SLC12A1: variants seen among roughly 807,000 people sequenced by gnomAD.
SLC12A1 encodes Na-K-2Cl cotransporter.
SLC12A1 carries 89 observed loss-of-function variants against 130.4 expected under a neutral mutation model. That is an observed-to-expected ratio of 0.68 (90% CI 0.58 to 0.81). The LOEUF is 0.81. Ranked by LOEUF, SLC12A1 falls within the 40% of genes least tolerant of loss-of-function variation. The pLI is 0.00. For synonymous variants in SLC12A1, 499 were observed against 460.0 expected, an observed-to-expected ratio of 1.08 and a Z score of -1.09; for missense variants, 1,310 against 1,336.4, an observed-to-expected ratio of 0.98 and a Z score of 0.31.
chr15:48,217,231 T>C (rs1310837132), intron 2 of SLC12A1, among the ~76,000 whole-genome samples: 1 of 152,210 alleles, frequency 6.6e-6, no homozygotes, highest in Non-Finnish European at 1.5e-5. Flanking sequence ...ATTAGAAATA[T>C]GATATTCTCC....
chr15:48,247,819 T>A (rs925223949), intron 13 of SLC12A1, among the ~76,000 whole-genome samples: 1 of 152,188 alleles, frequency 6.6e-6, no homozygotes, highest in Non-Finnish European at 1.5e-5. Flanking sequence ...TTTCTGGAAA[T>A]GTGGTCCACT....
At chr15:48,220,499 C>T in intron 2 of SLC12A1, 135 bp from the exon 3 acceptor site, 2 of 868,598 alleles carry the variant, frequency 2.3e-6, no homozygotes, top group Non-Finnish European at 3.3e-6. Flanking sequence ...CATTAAAATT[C>T]TCAGAATATA....
chr15:48,214,383 C>A (rs1451974460), intron 2 of SLC12A1, among the ~76,000 whole-genome samples: 1 of 152,164 alleles, frequency 6.6e-6, no homozygotes, highest in African/African-American at 2.4e-5. Flanking sequence ...AAGAACCTTT[C>A]CATTTTCTTT....
intron 21 of SLC12A1, 123 bp downstream of exon 21, chr15:48,285,372 G>T (rs2042046770): frequency 2.3e-6 from 2 of 866,950 alleles, no homozygotes; most frequent in East Asian, 5.0e-5. Flanking sequence ...GAACTGAAAG[G>T]TTTCTCTCCA....
chr15:48,294,562 T>C (rs1426353064), intron 24 of SLC12A1, among the ~76,000 whole-genome samples: 1 of 152,240 alleles, frequency 6.6e-6, no homozygotes, highest in East Asian at 1.9e-4. Flanking sequence ...CATTCTGATA[T>C]GAACTGGGTT....
chr15:48,230,358 T>A lies in SLC12A1; in HGVS notation c.865-35T>A, dbSNP rs191351434. ...GCAATAAGACTCACATGCAAAAAGC[T>A]GTATCTCTAAGCACTTAATAATTTG... On this transcript the variant is annotated intron_variant, in intron 6 of 26. Coordinates refer to ENST00000380993, the MANE Select transcript of SLC12A1 (RefSeq NM_000338.3). 1.5e-5 allele frequency: 20 copies of A among 1,326,792 alleles called. No homozygotes were observed. The African/African-American group carries it at 2.3e-4, about 15-fold the overall frequency. The allele number at this position is 1,326,792 out of a possible 1,614,324, so 82.2% of individuals were successfully genotyped here.
intron 17 of SLC12A1, among the ~76,000 whole-genome samples, chr15:48,261,020 A>G (rs1194964419): frequency 1.3e-5 from 2 of 152,164 alleles, no homozygotes; most frequent in Admixed American, 6.5e-5. Flanking sequence ...AGTAATGACC[A>G]ACTGTGACTC....
intron 20 of SLC12A1, among the ~76,000 whole-genome samples, chr15:48,278,269 C>T (rs1273739397): frequency 3.9e-5 from 6 of 152,222 alleles, no homozygotes; most frequent in African/African-American, 4.8e-5. Context: ...TATTTGAGCA[C>T]TTATTATGTG....
chr15:48,240,974 T>G (rs926098407), intron 9 of SLC12A1, among the ~76,000 whole-genome samples: 1 of 152,194 alleles, frequency 6.6e-6, no homozygotes, highest in Non-Finnish European at 1.5e-5. Flanking sequence ...GGAAATTAAA[T>G]ATCTCCCATT....
At position 48,302,989 on chromosome 15, in the gene SLC12A1, T is replaced by C. The variant is rs547516587; in HGVS notation, c.*104T>C. ...TCTGATCTATGGATATGCAAACCTC[T>C]GGAGAGGATCCTACCAGATTCTACA... On this transcript the variant is annotated 3_prime_UTR_variant, in exon 27 of 27. Coordinates refer to ENST00000380993, the MANE Select transcript of SLC12A1 (RefSeq NM_000338.3). The C allele has an allele frequency of 3.5e-5, 31 of 888,410 alleles. No individual in the cohort carries two copies. In the African/African-American group the frequency reaches 4.9e-4, roughly 14 times the overall value. 55.0% of individuals were successfully genotyped at this position (888,410 alleles called of 1,614,324 possible). A position where few individuals can be genotyped will look rare whatever the true frequency, so the allele number is the denominator to read the frequency against.
rs868316025 is a variant in SLC12A1 at position 48,258,133 on chromosome 15, G to A, written c.2043-1067G>A. Among the ~76,000 whole-genome samples, 11 of 70,606 alleles carry A rather than the reference G, an allele frequency of 1.6e-4. 1 individual carries two copies. The East Asian group carries it at 3.1e-3, about 20-fold the overall frequency. 46.3% of individuals were successfully genotyped at this position (70,606 alleles called of 152,430 possible). A position where few individuals can be genotyped will look rare whatever the true frequency, so the allele number is the denominator to read the frequency against. Reference sequence around the variant, plus strand: ...TCCCAGCACTTTGGGAGGCCGAGGCGGGCGGATCACGAGGTCAGGAGATCG... The same window carrying A: ...TCCCAGCACTTTGGGAGGCCGAGGCAGGCGGATCACGAGGTCAGGAGATCG... On this transcript the variant is annotated intron_variant, in intron 16 of 26. Coordinates refer to ENST00000380993, the MANE Select transcript of SLC12A1 (RefSeq NM_000338.3).
chr15:48,300,084 A>C (rs2042216498), intron 25 of SLC12A1, among the ~76,000 whole-genome samples: 1 of 152,268 alleles, frequency 6.6e-6, no homozygotes, highest in Admixed American at 6.5e-5. Flanking sequence ...GTAATCCCAG[A>C]ACTTTGGGAG....
At chr15:48,255,156 T>C (rs2041691755) in intron 15 of SLC12A1, among the ~76,000 whole-genome samples, 1 of 150,614 alleles carries the variant, frequency 6.6e-6, no homozygotes, top group Non-Finnish European at 1.5e-5. Flanking sequence ...TTTAAGAATT[T>C]GGGCCAGGCG....
chr15:48,267,836 TTGAATTCCTGGGTA>T, intron 18 of SLC12A1, 135 bp downstream of exon 18: 1 of 920,974 alleles, frequency 1.1e-6, no homozygotes, highest in Non-Finnish European at 1.6e-6. Flanking sequence ...AGGGATTATT[TTGAATTCCTGGGTA>T]TAGGCAAAGC....
At chr15:48,217,420 T>C (rs1029711026) in intron 2 of SLC12A1, among the ~76,000 whole-genome samples, 21 of 152,206 alleles carry the variant, frequency 1.4e-4, no homozygotes, top group African/African-American at 4.8e-4. Flanking sequence ...TTGGACTGCG[T>C]TTATTCTTAC....
chr15:48,262,764 C>T (rs1597438276), intron 17 of SLC12A1, among the ~76,000 whole-genome samples: 2 of 152,320 alleles, frequency 1.3e-5, no homozygotes, highest in East Asian at 3.9e-4. Context: ...TTGTACCTAT[C>T]ATTTTTATCA....
In SLC12A1 at chr15:48,285,112, TAGAG is replaced by T; in HGVS notation, c.2496_2499del (p.Glu832AspfsTer2). ...TTTTGTCTTCTTTCATCAGAGGAAT[TAGAG>T]AGATTAGAACAGGAGAGACTAGCAT... On this transcript the variant is annotated frameshift_variant, in exon 21 of 27. Coordinates refer to ENST00000380993, the MANE Select transcript of SLC12A1 (RefSeq NM_000338.3). LOFTEE classifies it high-confidence loss of function. The T allele has an allele frequency of 1.3e-6, 2 of 1,595,280 alleles. No homozygotes were observed. The highest frequency in any genetic ancestry group is 1.7e-6 in the Non-Finnish European group (2 of 1,172,126).
chr15:48,227,007 C>A, intron 5 of SLC12A1: 2 of 938,966 alleles, frequency 2.1e-6, no homozygotes, highest in Non-Finnish European at 3.3e-6. Flanking sequence ...AAGATTCAGA[C>A]TGCTGCCTCC....
Position 48,208,105 on chromosome 15 carries a change from C to T in SLC12A1, c.386C>T (p.Pro129Leu), listed in dbSNP as rs387907468. The change falls in exon 2 of 27, where the codon CCC (proline) becomes CTC (leucine). Residue 129 changes from proline (P) to leucine (L), a missense_variant. Physicochemically the swap from Pro to Leu is moderately conservative, Grantham distance 98. Coordinates refer to ENST00000380993, the MANE Select transcript of SLC12A1 (RefSeq NM_000338.3). ...GSISGPKVNR[P>L]SLLEIHEQLA... ...ATCAGTGGGCCCAAGGTCAACCGAC[C>T]CAGCCTGCTTGAGATTCACGAGCAA... The T allele has an allele frequency of 1.2e-6, 2 of 1,600,964 alleles. No homozygotes were observed. Among genetic ancestry groups the T allele is most frequent in the Non-Finnish European group, 1.7e-6 (2 of 1,172,258 alleles).
Sources: gnomAD v4.1 joint callset for allele counts (sites outside exome capture counted in the v4.1 genomes callset) on GRCh38, gnomAD v4.1.1 for gene constraint, MANE v1.5 for transcripts, NCBI Gene and HGNC (gene_info 2026-07-23, HGNC 2026-07-21) for gene names.